Variants in NAALADL2 observed in about 807,000 individuals in gnomAD.
NAALADL2 encodes N-acetylated alpha-linked acidic dipeptidase like 2.
A neutral mutation model predicts 87.2 loss-of-function variants in NAALADL2; 76 were observed. That is an observed-to-expected ratio of 0.87 (90% CI 0.72 to 1.05). The LOEUF is 1.05. Among genes scored for constraint, NAALADL2 ranks in the 50% least tolerant of loss-of-function variants. NAALADL2 has a pLI of 0.00. For synonymous variants in NAALADL2, 354 were observed against 331.0 expected (o/e 1.07, Z -0.75); for missense variants, 1,089 against 945.8 (o/e 1.15, Z -1.99).
intron 11 of NAALADL2, chr3:175,718,227 T>TTTTTTTTTGGGTAAA: frequency 9.6e-7 from 1 of 1,037,686 alleles, no homozygotes. Flanking sequence ...TTTTTTTGAT[T>TTTTTTTTTGGGTAAA]AGTTGCTGTA....
chr3:174,899,441 CT>C (rs200113983), intron 1 of NAALADL2, among the ~76,000 whole-genome samples: 1,699 of 152,242 alleles, frequency 0.011, 36 homozygotes, highest in African/African-American at 0.039. Context: ...AAGTCCTCCC[CT>C]TGGTGGTGTC....
At chr3:175,184,561 A>G (rs1465551823) in intron 2 of NAALADL2, among the ~76,000 whole-genome samples, 1 of 151,960 alleles carries the variant, frequency 6.6e-6, no homozygotes, top group Admixed American at 6.6e-5. Context: ...CAATAACATG[A>G]AGTTGGAAAG....
intron 11 of NAALADL2, among the ~76,000 whole-genome samples, chr3:175,674,170 T>G (rs1246420339): frequency 6.6e-6 from 1 of 152,144 alleles, no homozygotes; most frequent in Non-Finnish European, 1.5e-5. Context: ...TTTCTAGTAT[T>G]TATTTTTTGT....
chr3:175,070,372 T>C (rs1023787773), intron 1 of NAALADL2, among the ~76,000 whole-genome samples: 12 of 152,010 alleles, frequency 7.9e-5, no homozygotes, highest in Admixed American at 7.2e-4. Context: ...AGGTTAGCTT[T>C]TATTGCATAT....
chr3:175,531,249 T>C (rs549742845), intron 9 of NAALADL2, among the ~76,000 whole-genome samples: 1 of 152,044 alleles, frequency 6.6e-6, no homozygotes, highest in African/African-American at 2.4e-5. Flanking sequence ...GCCTCCAAAA[T>C]CGAAATAGGC....
intron 3 of NAALADL2, among the ~76,000 whole-genome samples, chr3:174,851,177 C>T (rs1258098363): frequency 1.3e-5 from 2 of 151,774 alleles, no homozygotes; most frequent in Non-Finnish European, 2.9e-5. Flanking sequence ...CAAAAAACAA[C>T]CTAATGATTC....
At chr3:174,893,317 C>A (rs557078074) in intron 1 of NAALADL2, among the ~76,000 whole-genome samples, 2 of 143,064 alleles carry the variant, frequency 1.4e-5, no homozygotes, top group Non-Finnish European at 3.1e-5. Context: ...TCAACCCCCC[C>A]CCGCAAAAAG....
At chr3:175,184,986 C>T (rs985872936) in intron 2 of NAALADL2, among the ~76,000 whole-genome samples, 1 of 152,028 alleles carries the variant, frequency 6.6e-6, no homozygotes, top group Non-Finnish European at 1.5e-5. Flanking sequence ...TTGTTGAGGA[C>T]TCCTGTTTCT....
At chr3:175,158,258 C>T (rs1732615831) in intron 2 of NAALADL2, among the ~76,000 whole-genome samples, 1 of 151,894 alleles carries the variant, frequency 6.6e-6, no homozygotes, top group Non-Finnish European at 1.5e-5. Context: ...GATTTTTTGC[C>T]CTCATTTGGC....
At chr3:174,966,216 C>T (rs557273323) in intron 1 of NAALADL2, among the ~76,000 whole-genome samples, 2 of 152,280 alleles carry the variant, frequency 1.3e-5, no homozygotes, top group East Asian at 3.9e-4. Context: ...AGGTCAAAAA[C>T]TTTGTTTCTC....
intron 1 of NAALADL2, among the ~76,000 whole-genome samples, chr3:174,979,274 A>G (rs1412824315): frequency 6.8e-6 from 1 of 147,714 alleles, no homozygotes; most frequent in East Asian, 2.0e-4. Context: ...AGACTTACCA[A>G]TATCTAGTAT....
chr3:175,424,325 T>C lies in NAALADL2; in HGVS notation c.1091-22904T>C, dbSNP rs928753521. On this transcript the variant is annotated intron_variant, in intron 5 of 13. Coordinates refer to ENST00000454872, the MANE Select transcript of NAALADL2 (RefSeq NM_207015.3). ...TGTTTTTGGTGTTTTAGACATGAAG[T>C]CCTTGCCTGTGCCTATGTCCTGAAT... 2.9e-4 allele frequency among the ~76,000 whole-genome samples: 44 copies of C among 152,312 alleles called. 4 individuals are homozygous for C. Among genetic ancestry groups the C allele is most frequent in the Admixed American group, 1.5e-3 (23 of 15,284 alleles).
chr3:174,773,237 G>A (rs1191201058), intron 3 of NAALADL2, among the ~76,000 whole-genome samples: 2 of 152,162 alleles, frequency 1.3e-5, no homozygotes, highest in African/African-American at 4.8e-5. Flanking sequence ...TAGAAATAGA[G>A]AGGAGAAGGT....
chr3:175,085,078 C>T (rs1718624998), intron 1 of NAALADL2, among the ~76,000 whole-genome samples: 1 of 152,078 alleles, frequency 6.6e-6, no homozygotes, highest in African/African-American at 2.4e-5. Flanking sequence ...TTATGTTCTC[C>T]TGTGTATTTT....
At chr3:175,095,615 C>T (rs1281164931) in intron 1 of NAALADL2, among the ~76,000 whole-genome samples, 2 of 152,052 alleles carry the variant, frequency 1.3e-5, no homozygotes, top group Non-Finnish European at 2.9e-5. Flanking sequence ...AGATTGGAGA[C>T]ATGTATGGCC....
intron 2 of NAALADL2, among the ~76,000 whole-genome samples, chr3:175,102,127 T>TG (rs879866241): frequency 6.6e-6 from 1 of 152,214 alleles, no homozygotes; most frequent in African/African-American, 2.4e-5. Context: ...AAATACTGCC[T>TG]GGTATTCCAT....
At chr3:174,646,080 A>G (rs2108743964) in intron 2 of NAALADL2, among the ~76,000 whole-genome samples, 1 of 152,314 alleles carries the variant, frequency 6.6e-6, no homozygotes, top group East Asian at 1.9e-4. Context: ...TGGTCTTTCA[A>G]CAGTCTTTCT....
Position 175,350,603 on chromosome 3 carries a change from CTT to C in NAALADL2, c.1090+26282_1090+26283del, listed in dbSNP as rs542739929. Among the ~76,000 whole-genome samples the C allele has an allele frequency of 2.6e-5, 4 of 152,108 alleles. No homozygotes were observed. In the South Asian group the frequency reaches 6.2e-4, roughly 24 times the overall value. ...TGTATTGTACCCACATTAGGCGTCT[CTT>C]TTTCTCCTGCTAAAGATTCAGGTGA... On this transcript the variant is annotated intron_variant, in intron 5 of 13. Transcript: ENST00000454872.
intron 1 of NAALADL2, chr3:174,523,512 C>A (rs1465124625): frequency 1.3e-5 from 2 of 152,146 alleles, no homozygotes; most frequent in African/African-American, 4.8e-5. Context: ...ACATCTCTTA[C>A]ACAAATGCAT....
Sources: allele counts gnomAD v4.1 joint callset (sites outside exome capture counted in the v4.1 genomes callset), GRCh38; gene constraint gnomAD v4.1.1; transcripts MANE v1.5; gene names NCBI Gene and HGNC (gene_info 2026-07-23, HGNC 2026-07-21).